The following TAF4B variants were observed in gnomAD, a reference collection of about 807,000 sequenced individuals.
TAF4B encodes the protein transcription initiation factor TFIID subunit 4B.
TAF4B carries 38 observed loss-of-function variants against 86.4 expected under a neutral mutation model. That is an observed-to-expected ratio of 0.44 (90% CI 0.34 to 0.58). The LOEUF (loss-of-function observed/expected upper bound fraction) is 0.58. Ranked by LOEUF, TAF4B falls within the 20% of genes least tolerant of loss-of-function variation. The pLI is 0.02. For missense variants in TAF4B, 988 were observed against 1,027.6 expected (o/e 0.96, Z 0.53); for synonymous variants, 388 against 391.2 (o/e 0.99, Z 0.10).
intron 9 of TAF4B, among the ~76,000 whole-genome samples, chr18:26,300,404 C>A (rs559787622): frequency 2.4e-4 from 36 of 148,030 alleles, no homozygotes; most frequent in East Asian, 9.8e-4. Context: ...ACAACAACAA[C>A]AAAAAAATCC....
At chr18:26,290,814 C>T (rs2056582333) in intron 7 of TAF4B, among the ~76,000 whole-genome samples, 1 of 152,140 alleles carries the variant, frequency 6.6e-6, no homozygotes, top group Non-Finnish European at 1.5e-5. Flanking sequence ...TCAAGGAGGA[C>T]AGTGCATATA....
chr18:26,364,731 A>G (rs2057358625), intron 14 of TAF4B, among the ~76,000 whole-genome samples: 1 of 152,024 alleles, frequency 6.6e-6, no homozygotes, highest in Admixed American at 6.6e-5. Context: ...CTATGAAAGT[A>G]TTAAGGAATT....
chr18:26,274,835 A>T lies in TAF4B; in HGVS notation c.759+11A>T, dbSNP rs760316738. 3.7e-6 allele frequency: 6 copies of T among 1,614,168 alleles called. No homozygotes were observed. Among genetic ancestry groups the T allele is most frequent in the Non-Finnish European group, 5.1e-6 (6 of 1,179,996 alleles). On this transcript the variant is annotated intron_variant, in intron 4 of 14. Coordinates refer to ENST00000269142, the MANE Select transcript of TAF4B (RefSeq NM_005640.3). ...ATTAATCTTTCTCCGGTAAGCTCTT[A>T]CTTGCACCTTACATAAATCTTGTTC...
At chr18:26,246,035 A>G (rs1286853336) in intron 1 of TAF4B, among the ~76,000 whole-genome samples, 1 of 152,190 alleles carries the variant, frequency 6.6e-6, no homozygotes, top group Non-Finnish European at 1.5e-5. Flanking sequence ...AAATGGTAAT[A>G]TTTCAATCGG....
At chr18:26,359,951 C>CA (rs1325497301) in intron 14 of TAF4B, among the ~76,000 whole-genome samples, 1 of 151,712 alleles carries the variant, frequency 6.6e-6, no homozygotes, top group Non-Finnish European at 1.5e-5. Flanking sequence ...CTTCTGAGCT[C>CA]AAGCAGTTCA....
At chr18:26,389,406 C>A (rs1037136109) in intron 14 of TAF4B, among the ~76,000 whole-genome samples, 1 of 152,124 alleles carries the variant, frequency 6.6e-6, no homozygotes, top group Non-Finnish European at 1.5e-5. Flanking sequence ...TATTGACATA[C>A]AAAAGACTGC....
intron 1 of TAF4B, among the ~76,000 whole-genome samples, chr18:26,240,757 A>G (rs185530629): frequency 5.1e-4 from 78 of 152,216 alleles, no homozygotes; most frequent in African/African-American, 1.8e-3. Flanking sequence ...GAGATACGTC[A>G]CATCAATACC....
chr18:26,357,684 T>C lies in TAF4B; in HGVS notation c.2317-6T>C. On this transcript the variant is annotated splice_polypyrimidine_tract_variant and splice_region_variant and intron_variant, in intron 13 of 14. Transcript: ENST00000269142. Reference sequence around the variant, plus strand: ...AACATTGATATTTTTTTCTTCCGTCTTCTAGTTACAGCAATTGGAACTTGC... The same window carrying C: ...AACATTGATATTTTTTTCTTCCGTCCTCTAGTTACAGCAATTGGAACTTGC... The C allele has an allele frequency of 6.3e-7, 1 of 1,599,126 alleles. No homozygotes were observed. Among genetic ancestry groups the C allele is most frequent in the South Asian group, 1.1e-5 (1 of 87,662 alleles).
chr18:26,240,850 T>G (rs544924169), intron 1 of TAF4B, among the ~76,000 whole-genome samples: 21 of 152,246 alleles, frequency 1.4e-4, no homozygotes, highest in African/African-American at 4.8e-4. Flanking sequence ...AATCATGTGG[T>G]TTTTGTCTTT....
chr18:26,327,845 C>T (rs2057017341), intron 12 of TAF4B, among the ~76,000 whole-genome samples: 2 of 152,216 alleles, frequency 1.3e-5, no homozygotes, highest in Non-Finnish European at 2.9e-5. Flanking sequence ...CTTGGCCTCC[C>T]AAAGTTTTGG....
chr18:26,301,491 G>A (rs1598776844), intron 9 of TAF4B, among the ~76,000 whole-genome samples: 1 of 152,056 alleles, frequency 6.6e-6, no homozygotes, highest in East Asian at 1.9e-4. Flanking sequence ...GTGGGGTCTT[G>A]CTTTGTCTCC....
chr18:26,338,332 C>T (rs1213016519), intron 13 of TAF4B, among the ~76,000 whole-genome samples: 1 of 151,842 alleles, frequency 6.6e-6, no homozygotes, highest in Non-Finnish European at 1.5e-5. Context: ...ACCTGTAATC[C>T]CAGTTACTCA....
chr18:26,388,655 A>G (rs1038050193), intron 14 of TAF4B, among the ~76,000 whole-genome samples: 2 of 152,336 alleles, frequency 1.3e-5, no homozygotes, highest in East Asian at 1.9e-4. Flanking sequence ...ATCTCTGCCT[A>G]TTGGCAGAGG....
At chr18:26,251,753 C>G (rs1279410680) in intron 1 of TAF4B, among the ~76,000 whole-genome samples, 1 of 152,128 alleles carries the variant, frequency 6.6e-6, no homozygotes, top group Non-Finnish European at 1.5e-5. Flanking sequence ...TTCAGTTTCC[C>G]TTTGTTTTTA....
rs536377045 is a variant in TAF4B, at chr18:26,255,931, C to T, written c.344-9239C>T. ...CCAGAAGCCATCTCTGTATCTGAGC[C>T]GTCATCTGACTGGTTACTGTAACAA... On this transcript the variant is annotated intron_variant, in intron 1 of 14. Coordinates refer to ENST00000269142, the MANE Select transcript of TAF4B (RefSeq NM_005640.3). The T allele has an allele frequency of 1.8e-4, 224 of 1,273,218 alleles. 1 individual carries two copies. In the African/African-American group the frequency reaches 2.5e-3, roughly 14 times the overall value. The allele number at this position is 1,273,218 out of a possible 1,614,324, so 78.9% of individuals were successfully genotyped here. A position where few individuals can be genotyped will look rare whatever the true frequency, so the allele number is the denominator to read the frequency against.
intron 1 of TAF4B, among the ~76,000 whole-genome samples, chr18:26,248,979 C>G (rs1363703882): frequency 6.6e-6 from 1 of 151,112 alleles, no homozygotes; most frequent in African/African-American, 2.4e-5. Flanking sequence ...CAAGACCATC[C>G]TGGCCAACAT....
intron 14 of TAF4B, among the ~76,000 whole-genome samples, chr18:26,358,276 A>G (rs961687567): frequency 3.9e-5 from 6 of 152,170 alleles, no homozygotes; most frequent in African/African-American, 1.4e-4. Context: ...CTGTTAGATT[A>G]TAAACTTTTT....
intron 12 of TAF4B, among the ~76,000 whole-genome samples, chr18:26,331,069 C>G (rs1213353332): frequency 6.6e-6 from 1 of 152,176 alleles, no homozygotes; most frequent in Non-Finnish European, 1.5e-5. Flanking sequence ...ACAGCCTTGT[C>G]ACTGTGCTGC....
chr18:26,309,243 G>GTTTT (rs1568144308), intron 9 of TAF4B, among the ~76,000 whole-genome samples: 1 of 88,810 alleles, frequency 1.1e-5, no homozygotes, highest in African/African-American at 4.1e-5. Context: ...AAACCTGACA[G>GTTTT]TATTTTTTTT....
Sources: allele counts gnomAD v4.1 joint callset (sites outside exome capture counted in the v4.1 genomes callset), GRCh38; gene constraint gnomAD v4.1.1; transcripts MANE v1.5; gene names NCBI Gene and HGNC (gene_info 2026-07-23, HGNC 2026-07-21).